The following RFWD3 variants were observed in gnomAD, a reference collection of about 807,000 sequenced individuals.
RFWD3 encodes ring finger and WD repeat domain 3.
In RFWD3, 65 loss-of-function variants were observed where a neutral mutation model predicts 87.7. The observed-to-expected ratio is 0.74, with a 90% CI of 0.61 to 0.91. The LOEUF (loss-of-function observed/expected upper bound fraction) is 0.91. Ranked by LOEUF, RFWD3 falls within the 40% of genes least tolerant of loss-of-function variation. RFWD3 has a pLI of 0.00. For missense variants in RFWD3, 1,078 were observed against 938.5 expected (o/e 1.15, Z -1.94); for synonymous variants, 433 against 352.8 (o/e 1.23, Z -2.55).
chr16:74,655,389 G>A (rs1195779439), intron 2 of RFWD3, among the ~76,000 whole-genome samples: 1 of 151,152 alleles, frequency 6.6e-6, no homozygotes, highest in Non-Finnish European at 1.5e-5. Context: ...ACAGGCACCC[G>A]CCACCACGCC....
chr16:74,660,016 C>T (rs143980305), intron 2 of RFWD3, among the ~76,000 whole-genome samples: 15 of 149,948 alleles, frequency 1.0e-4, no homozygotes, highest in Non-Finnish European at 1.9e-4. Context: ...GATTGCACCA[C>T]TGCACTCCAG....
chr16:74,642,137 A>C (rs1250194294), intron 6 of RFWD3, among the ~76,000 whole-genome samples: 1 of 151,840 alleles, frequency 6.6e-6, no homozygotes, highest in African/African-American at 2.4e-5. Flanking sequence ...ACCTTTTTAA[A>C]TTTGACACAG....
At chr16:74,641,953 A>C (rs1478730532) in intron 6 of RFWD3, among the ~76,000 whole-genome samples, 14 of 139,238 alleles carry the variant, frequency 1.0e-4, no homozygotes, top group Admixed American at 7.3e-5. Flanking sequence ...AAAAAAAAAA[A>C]ACCAAAGAAA....
At chr16:74,640,308 G>A (rs892384907) in intron 6 of RFWD3, among the ~76,000 whole-genome samples, 3 of 151,792 alleles carry the variant, frequency 2.0e-5, no homozygotes, top group Non-Finnish European at 4.4e-5. Flanking sequence ...ACCACGCCCA[G>A]CTAATTTTTG....
In RFWD3 at chr16:74,637,881, C is replaced by G; in HGVS notation, c.1169G>C (p.Cys390Ser). ...CTGAACACGCCTTTGAAGCCTAGTG[C>G]ACTTATCAGTGAGGACCTGCAGTTG... ...RLQLQVLTDK[C>S]TRLQRRVQDL... Residue 390 changes from cysteine (C) to serine (S), a missense_variant, in exon 7 of 13, where the codon TGC (cysteine) becomes TCC (serine). Physicochemically the swap from Cys to Ser is moderately radical, Grantham distance 112 (BLOSUM62 -1). Coordinates refer to ENST00000361070, the MANE Select transcript of RFWD3 (RefSeq NM_018124.4). The G allele has an allele frequency of 6.2e-7, 1 of 1,612,834 alleles. No individual in the cohort carries two copies. Among genetic ancestry groups the G allele is most frequent in the Non-Finnish European group, 8.5e-7 (1 of 1,179,694 alleles).
chr16:74,630,826 C>T lies in RFWD3; in HGVS notation c.1709G>A (p.Arg570Gln), dbSNP rs772951020. The change falls in exon 10 of 13, where the codon CGA becomes CAA. Residue 570 changes from arginine (R) to glutamine (Q), a missense_variant. By Grantham distance (43) the Arg-to-Gln change is conservative. Transcript: ENST00000361070. The stretch of plus-strand genomic sequence containing the variant: ...CTCCTGCACATGACTGCTCGTGTTT[C>T]GCACGTCATATACCAGAATTGAACC... The part of the protein sequence containing the change: ...ANGSILVYDV[R>Q]NTSSHVQELV... 11 of 1,612,996 alleles carry T rather than the reference C, an allele frequency of 6.8e-6. No individual in the cohort carries two copies. The highest frequency in any genetic ancestry group is 1.1e-5 in the South Asian group (1 of 90,910).
chr16:74,629,484 C>G (rs187023169), intron 10 of RFWD3, among the ~76,000 whole-genome samples: 1 of 152,114 alleles, frequency 6.6e-6, no homozygotes, highest in Admixed American at 6.5e-5. Flanking sequence ...TATGGTGAAA[C>G]CCCATCTCTA....
chr16:74,628,428 A>G, intron 11 of RFWD3, 24 bp downstream of exon 11: 2 of 1,603,384 alleles, frequency 1.2e-6, no homozygotes, highest in Middle Eastern at 1.7e-4. Flanking sequence ...CAAATAAGCT[A>G]TGGGAGACCC....
chr16:74,657,559 T>A (rs113507850), intron 2 of RFWD3, among the ~76,000 whole-genome samples: 105 of 148,950 alleles, frequency 7.0e-4, no homozygotes, highest in Non-Finnish European at 1.3e-3. Flanking sequence ...CACTGCAACA[T>A]CCACCTCCCG....
intron 4 of RFWD3, among the ~76,000 whole-genome samples, chr16:74,646,059 T>C (rs919314302): frequency 6.6e-6 from 1 of 152,098 alleles, no homozygotes; most frequent in Non-Finnish European, 1.5e-5. Context: ...GTCACAAATA[T>C]ATTCTAAGAT....
intron 6 of RFWD3, chr16:74,644,028 G>A (rs989052566): frequency 2.8e-6 from 1 of 351,594 alleles, no homozygotes. Context: ...ACATTGCACT[G>A]CATGTGCAAA....
chr16:74,666,203 T>C lies in RFWD3; in HGVS notation c.-3+583A>G, dbSNP rs1431529121. 12 of 150,440 alleles carry C rather than the reference T, an allele frequency of 8.0e-5. 1 individual carries two copies. The highest frequency in any genetic ancestry group is 6.3e-4 in the South Asian group (3 of 4,776). 9.3% of individuals were successfully genotyped at this position (150,440 alleles called of 1,614,324 possible). On this transcript the variant is annotated intron_variant, in intron 1 of 12. Coordinates refer to ENST00000361070, the MANE Select transcript of RFWD3 (RefSeq NM_018124.4). ...CAGATTAGATAGATAGATAGATAGA[T>C]AGATAGATAGATAGATAGATTGATT...
intron 6 of RFWD3, 95 bp from the exon 7 acceptor site, chr16:74,638,065 T>C: frequency 2.8e-6 from 2 of 711,704 alleles, no homozygotes; most frequent in Non-Finnish European, 5.0e-6. Context: ...ATGATGCACG[T>C]TCTTTGCTGT....
chr16:74,622,899 A>G lies in RFWD3; in HGVS notation c.*1029T>C, dbSNP rs929431584. 4.6e-5 allele frequency: 7 copies of G among 152,230 alleles called. No homozygotes were observed. Among genetic ancestry groups the G allele is most frequent in the Non-Finnish European group, 1.0e-4 (7 of 68,038 alleles). 9.4% of individuals were successfully genotyped at this position (152,230 alleles called of 1,614,324 possible). On this transcript the variant is annotated 3_prime_UTR_variant, in exon 13 of 13. Coordinates refer to ENST00000361070, the MANE Select transcript of RFWD3 (RefSeq NM_018124.4). ...TGGAATGTATAAAGAACACTTAAGA[A>G]CAGCCCCTCAGTCTGAGGAATTGGC...
intron 1 of RFWD3, 98 bp from the exon 2 acceptor site, chr16:74,661,549 T>C: frequency 2.6e-6 from 3 of 1,141,396 alleles, no homozygotes; most frequent in Non-Finnish European, 3.7e-6. Flanking sequence ...TTATGTTTAA[T>C]ATCATTCTTA....
intron 12 of RFWD3, among the ~76,000 whole-genome samples, chr16:74,624,912 TGAG>T (rs1161375123): frequency 1.3e-5 from 2 of 152,106 alleles, no homozygotes; most frequent in Non-Finnish European, 2.9e-5. Context: ...TTGCTTAAGC[TGAG>T]GAGTTTGAGG....
intron 12 of RFWD3, among the ~76,000 whole-genome samples, chr16:74,626,043 G>A (rs961397520): frequency 1.9e-4 from 29 of 152,134 alleles, no homozygotes; most frequent in Non-Finnish European, 2.2e-4. Context: ...AAAATCAGTC[G>A]GGCATGGTGG....
Position 74,637,081 on chromosome 16 carries a change from A to G in RFWD3, c.1195-504T>C, listed in dbSNP as rs1170754902. On this transcript the variant is annotated intron_variant, in intron 7 of 12. Coordinates refer to ENST00000361070, the MANE Select transcript of RFWD3 (RefSeq NM_018124.4). The stretch of plus-strand genomic sequence containing the variant: ...AAGGAGAGCACAGAATCATAATATG[A>G]GGGTTGAAAGTCCTTAATGGTGGTT... 4.4e-5 allele frequency among the ~76,000 whole-genome samples: 6 copies of G among 137,442 alleles called. No homozygotes were observed. The East Asian group carries it at 1.4e-3, about 32-fold the overall frequency. The allele number at this position is 137,442 out of a possible 152,430, so 90.2% of individuals were successfully genotyped here. A position where few individuals can be genotyped will look rare whatever the true frequency, so the allele number is the denominator to read the frequency against.
At chr16:74,625,386 T>G (rs1958900310) in intron 12 of RFWD3, among the ~76,000 whole-genome samples, 1 of 150,936 alleles carries the variant, frequency 6.6e-6, no homozygotes, top group Non-Finnish European at 1.5e-5. Context: ...CCGGGTATGG[T>G]TGGTGTGCAC....
Sources: allele counts gnomAD v4.1 joint callset (sites outside exome capture counted in the v4.1 genomes callset), GRCh38; gene constraint gnomAD v4.1.1; transcripts MANE v1.5; gene names NCBI Gene and HGNC (gene_info 2026-07-23, HGNC 2026-07-21).